RNF8: variants seen among roughly 807,000 people sequenced by gnomAD.
RNF8 encodes E3 ubiquitin-protein ligase RNF8.
Under a neutral mutation model 59.3 loss-of-function variants are expected in RNF8, and 8 were observed. The ratio of observed to expected loss-of-function variants is 0.13; its 90% CI spans 0.08 to 0.24. RNF8 has a LOEUF of 0.24. RNF8 is among the 10% of genes least tolerant of loss of function. RNF8 has a pLI of 1.00. For missense variants in RNF8, 406 were observed against 572.6 expected (o/e 0.71, Z 2.97); for synonymous variants, 162 against 200.0 (o/e 0.81, Z 1.60).
intron 6 of RNF8, among the ~76,000 whole-genome samples, chr6:37,378,494 G>A (rs146249467): frequency 0.014 from 2,113 of 151,762 alleles, 27 homozygotes; most frequent in Middle Eastern, 0.024. Context: ...CCAGCTACTC[G>A]GGAGGCTGAG....
intron 4 of RNF8, among the ~76,000 whole-genome samples, chr6:37,372,155 T>G (rs1432439477): frequency 2.0e-5 from 3 of 152,244 alleles, no homozygotes; most frequent in African/African-American, 7.2e-5. Context: ...TTTTGTGTGC[T>G]CTTTTGCATC....
intron 6 of RNF8, among the ~76,000 whole-genome samples, chr6:37,378,616 A>AG (rs1201318824): frequency 6.6e-6 from 1 of 151,806 alleles, no homozygotes; most frequent in African/African-American, 2.4e-5. Context: ...AAAAAAAAAA[A>AG]AAAAAAAGAA....
At chr6:37,371,297 C>T (rs1713241141) in intron 3 of RNF8, among the ~76,000 whole-genome samples, 1 of 152,254 alleles carries the variant, frequency 6.6e-6, no homozygotes, top group East Asian at 1.9e-4. Context: ...TGGCTTAAAG[C>T]CGACAGTCCT....
chr6:37,378,238 G>A (rs1770104116), intron 6 of RNF8, among the ~76,000 whole-genome samples: 1 of 152,106 alleles, frequency 6.6e-6, no homozygotes, highest in Non-Finnish European at 1.5e-5. Flanking sequence ...AGGCTACAGT[G>A]AGTCGAGATC....
At chr6:37,384,041 A>G (rs866445436) in intron 7 of RNF8, among the ~76,000 whole-genome samples, 27 of 151,954 alleles carry the variant, frequency 1.8e-4, no homozygotes, top group African/African-American at 6.0e-4. Flanking sequence ...AAAACAAGCA[A>G]TGTAGAAATA....
In RNF8 at chr6:37,391,974, G is replaced by A. The variant is rs1770738199; in HGVS notation, c.*1216G>A. On this transcript the variant is annotated 3_prime_UTR_variant, in exon 8 of 8. Transcript: ENST00000373479. Reference sequence around the variant, plus strand: ...CCTATACCCCATGTATTTTCATAAAGGGTTGGAAACTATTGATTGCCAACT... The same window carrying A: ...CCTATACCCCATGTATTTTCATAAAAGGTTGGAAACTATTGATTGCCAACT... 6.6e-6 allele frequency: 1 copy of A among 152,364 alleles called. No homozygotes were observed. The highest frequency in any genetic ancestry group is 1.5e-5 in the Non-Finnish European group (1 of 68,184). The allele number at this position is 152,364 out of a possible 1,614,324, so 9.4% of individuals were successfully genotyped here.
chr6:37,389,091 C>A (rs551086304), intron 7 of RNF8, among the ~76,000 whole-genome samples: 3 of 152,070 alleles, frequency 2.0e-5, no homozygotes, highest in Non-Finnish European at 4.4e-5. Flanking sequence ...TCTAGATTTC[C>A]GAACTCCTTG....
At chr6:37,387,603 C>T (rs1770564837) in intron 7 of RNF8, among the ~76,000 whole-genome samples, 1 of 152,100 alleles carries the variant, frequency 6.6e-6, no homozygotes, top group Non-Finnish European at 1.5e-5. Flanking sequence ...CAGCTTCCCA[C>T]AGCGCTGGGG....
chr6:37,354,382 G>A, intron 1 of RNF8, 107 bp downstream of exon 1: 1 of 863,276 alleles, frequency 1.2e-6, no homozygotes, highest in Non-Finnish European at 1.7e-6. Flanking sequence ...CAGAGAGGAG[G>A]CGGGCATCAG....
intron 2 of RNF8, among the ~76,000 whole-genome samples, chr6:37,362,333 T>C (rs1308954767): frequency 6.6e-6 from 1 of 152,220 alleles, no homozygotes; most frequent in African/African-American, 2.4e-5. Context: ...AGGCAGCCTG[T>C]GCAAGATCAG....
At chr6:37,369,245 G>A (rs149100882) in intron 3 of RNF8, 27 bp downstream of exon 3, 2 of 1,571,502 alleles carry the variant, frequency 1.3e-6, no homozygotes, top group African/African-American at 1.4e-5. Flanking sequence ...AAGGGCAAGA[G>A]TGGTCTTCAG....
chr6:37,377,115 C>G (rs1460975594), intron 6 of RNF8, 82 bp downstream of exon 6: 10 of 751,560 alleles, frequency 1.3e-5, no homozygotes, highest in Non-Finnish European at 2.1e-5. Context: ...TCTGTCAACC[C>G]AGGCTAGAGT....
intron 2 of RNF8, among the ~76,000 whole-genome samples, chr6:37,363,218 TC>T (rs1273823196): frequency 1.3e-5 from 2 of 152,216 alleles, no homozygotes; most frequent in Non-Finnish European, 2.9e-5. Context: ...CAGTTCAGCT[TC>T]TGGTCCTCCA....
chr6:37,370,478 A>G (rs1382759934), intron 3 of RNF8, among the ~76,000 whole-genome samples: 1 of 152,234 alleles, frequency 6.6e-6, no homozygotes, highest in Non-Finnish European at 1.5e-5. Context: ...ACATGCCTCA[A>G]GGTATAGCTG....
In RNF8 at chr6:37,360,981, G is replaced by GCTCCTTTCCTTCCTCA. The variant is rs1320168863; in HGVS notation, c.240+416_240+431dup. ...GGAGAAACTGATCTGATTGCGCTTAGCTCCTTTCCTTCCTCACTCCTTTCA... is the reference window on the plus strand; with the variant it reads ...GGAGAAACTGATCTGATTGCGCTTAGCTCCTTTCCTTCCTCACTCCTTTCCTTCCTCACTCCTTTCA... On this transcript the variant is annotated intron_variant, in intron 2 of 7. Transcript: ENST00000373479. This position sits in a 1 kb window ranked among gnomAD's most constrained non-coding sequence, Gnocchi z 4.2. Among the ~76,000 whole-genome samples, 1 of 152,150 alleles carries GCTCCTTTCCTTCCTCA rather than the reference G, an allele frequency of 6.6e-6. No individual in the cohort carries two copies. The highest frequency in any genetic ancestry group is 1.9e-4 in the East Asian group (1 of 5,202).
intron 7 of RNF8, among the ~76,000 whole-genome samples, chr6:37,385,169 A>G (rs1377122087): frequency 6.6e-6 from 1 of 151,728 alleles, no homozygotes; most frequent in Non-Finnish European, 1.5e-5. Context: ...ATGTGCCATC[A>G]TGCCCGGCTA....
chr6:37,379,651 A>G (rs1488574929), intron 6 of RNF8, among the ~76,000 whole-genome samples: 1 of 152,254 alleles, frequency 6.6e-6, no homozygotes, highest in African/African-American at 2.4e-5. Context: ...TTACTTAGAT[A>G]TTCAGGCGTT....
chr6:37,355,543 T>C (rs1216731274), intron 1 of RNF8, among the ~76,000 whole-genome samples: 2 of 152,204 alleles, frequency 1.3e-5, no homozygotes, highest in African/African-American at 4.8e-5. Context: ...ATGGGCTGTA[T>C]GATCAAGTGC....
At chr6:37,355,057 G>A (rs1469653138) in intron 1 of RNF8, among the ~76,000 whole-genome samples, 1 of 152,158 alleles carries the variant, frequency 6.6e-6, no homozygotes, top group Non-Finnish European at 1.5e-5. Flanking sequence ...GAGGCTGCCT[G>A]TCGTCTTTAT....
Sources: allele counts gnomAD v4.1 joint callset (sites outside exome capture counted in the v4.1 genomes callset), GRCh38; gene constraint gnomAD v4.1.1; non-coding constraint Gnocchi (gnomAD v3.1); transcripts MANE v1.5; gene names NCBI Gene and HGNC (gene_info 2026-07-23, HGNC 2026-07-21).